Variants in LRCH1 observed in about 807,000 individuals in gnomAD.
The protein encoded by LRCH1 is leucine-rich repeat and calponin homology domain-containing protein 1.
Under a neutral mutation model 94.9 loss-of-function variants are expected in LRCH1, and 23 were observed. The observed-to-expected ratio is 0.24, with a 90% confidence interval of 0.17 to 0.34. The LOEUF (loss-of-function observed/expected upper bound fraction) is 0.34. Among genes scored for constraint, LRCH1 ranks in the 10% least tolerant of loss-of-function variants. The probability of loss-of-function intolerance (pLI) is 1.00; values close to 1 mark genes in which losing one functional copy is unlikely to be tolerated. For synonymous variants in LRCH1, 364 were observed against 354.9 expected, an observed-to-expected ratio of 1.03 and a Z score of -0.29; for missense variants, 790 against 945.9, an observed-to-expected ratio of 0.84 and a Z score of 2.16.
Position 46,640,041 on chromosome 13 carries a change from A to G in LRCH1, c.308-10160A>G, listed in dbSNP as rs534642687. Among the ~76,000 whole-genome samples, 688 of 152,348 alleles carry G rather than the reference A, an allele frequency of 4.5e-3. 3 individuals are homozygous for G. Among genetic ancestry groups the G allele is most frequent in the Non-Finnish European group, 7.4e-3 (506 of 68,022 alleles). On this transcript the variant is annotated intron_variant, in intron 1 of 19. Coordinates refer to ENST00000389797, the MANE Select transcript of LRCH1 (RefSeq NM_001164211.2). ...TTATAAGGTGCAACTGAACCAAGCC[A>G]TATAGTTGGCACTGTGATGAGTGAG... is the stretch of plus-strand genomic sequence containing the variant.
chr13:46,601,274 C>T (rs902895359), intron 1 of LRCH1, among the ~76,000 whole-genome samples: 3 of 152,200 alleles, frequency 2.0e-5, no homozygotes, highest in Non-Finnish European at 4.4e-5. Flanking sequence ...CTCTTCTCCT[C>T]CCTACAGAAA....
rs147045502 is a variant in LRCH1, at chr13:46,725,470, A to T, written c.1869+2140A>T. ...TACCAGGCTGTATTCTAGGTAATGG[A>T]TGTAGGAGAGAACAAAAAGGTCTCT... On this transcript the variant is annotated intron_variant, in intron 17 of 19. Coordinates refer to ENST00000389797, the MANE Select transcript of LRCH1 (RefSeq NM_001164211.2). Among the ~76,000 whole-genome samples, 13 of 152,306 alleles carry T rather than the reference A, an allele frequency of 8.5e-5. No individual in the cohort carries two copies. The East Asian group carries it at 2.5e-3, about 29-fold the overall frequency.
At chr13:46,732,346 C>CAACTGGTAT (rs1455617934) in intron 18 of LRCH1, among the ~76,000 whole-genome samples, 1 of 152,148 alleles carries the variant, frequency 6.6e-6, no homozygotes, top group East Asian at 1.9e-4. Flanking sequence ...ATTGGCATTT[C>CAACTGGTAT]AATTGGTATA....
chr13:46,583,354 A>G (rs890200368), intron 1 of LRCH1, among the ~76,000 whole-genome samples: 10 of 152,238 alleles, frequency 6.6e-5, no homozygotes, highest in African/African-American at 2.4e-4. Context: ...GGCTTATTGT[A>G]CCAAGATATC....
intron 13 of LRCH1, among the ~76,000 whole-genome samples, chr13:46,711,542 G>C (rs1872060975): frequency 6.6e-6 from 1 of 152,184 alleles, no homozygotes; most frequent in African/African-American, 2.4e-5. Context: ...TGAACTCCTT[G>C]CTCTGGGAAG....
intron 1 of LRCH1, among the ~76,000 whole-genome samples, chr13:46,628,679 A>C (rs1329516913): frequency 2.6e-5 from 4 of 151,298 alleles, no homozygotes; most frequent in Non-Finnish European, 2.9e-5. Flanking sequence ...AAAAAAAAAA[A>C]CACAAGGCCC....
At chr13:46,620,813 T>C (rs944194120) in intron 1 of LRCH1, among the ~76,000 whole-genome samples, 3 of 152,264 alleles carry the variant, frequency 2.0e-5, no homozygotes, top group Non-Finnish European at 4.4e-5. Context: ...ACAGAGACAT[T>C]GAGTAAATCA....
At chr13:46,608,259 CA>C (rs1331573187) in intron 1 of LRCH1, among the ~76,000 whole-genome samples, 3 of 152,138 alleles carry the variant, frequency 2.0e-5, no homozygotes, top group Non-Finnish European at 4.4e-5. Flanking sequence ...GTGCGACCTC[CA>C]GATGTGGTGT....
In LRCH1 at chr13:46,619,319, C is replaced by T. The variant is rs1341865545; in HGVS notation, c.308-30882C>T. 3.3e-5 allele frequency among the ~76,000 whole-genome samples: 5 copies of T among 152,064 alleles called. No homozygotes were observed. In the South Asian group the frequency reaches 1.0e-3, roughly 32 times the overall value. The stretch of plus-strand genomic sequence containing the variant: ...CGAGATGGGGTTTCGCCACATTGGC[C>T]AGGCTGGTCTCGGACTCTTGGCCTC... On this transcript the variant is annotated intron_variant, in intron 1 of 19. Coordinates refer to ENST00000389797, the MANE Select transcript of LRCH1 (RefSeq NM_001164211.2).
intron 3 of LRCH1, among the ~76,000 whole-genome samples, chr13:46,677,247 T>G (rs9590977): frequency 0.29 from 23,384 of 80,952 alleles, 1,958 homozygotes; most frequent in East Asian, 0.39. Context: ...TCGTCTCTAC[T>G]AAAAATACAA....
At chr13:46,719,930 G>A (rs1343327801) in intron 16 of LRCH1, among the ~76,000 whole-genome samples, 2 of 152,056 alleles carry the variant, frequency 1.3e-5, no homozygotes, top group African/African-American at 4.8e-5. Context: ...CCTGGGAGGC[G>A]GAGTTTGCAG....
intron 1 of LRCH1, among the ~76,000 whole-genome samples, chr13:46,598,923 C>T (rs565358371): frequency 1.3e-5 from 2 of 152,274 alleles, no homozygotes; most frequent in Admixed American, 6.5e-5. Flanking sequence ...TTCACATTGT[C>T]GCACAGTCTC....
downstream of LRCH1, among the ~76,000 whole-genome samples, chr13:46,749,509 AG>A (rs1234075401): frequency 6.6e-6 from 1 of 152,246 alleles, no homozygotes; most frequent in African/African-American, 2.4e-5. Context: ...CCAAAAAATA[AG>A]TATCTGAGAT....
intron 1 of LRCH1, among the ~76,000 whole-genome samples, chr13:46,640,853 A>G (rs2051148950): frequency 1.3e-5 from 2 of 152,248 alleles, no homozygotes; most frequent in South Asian, 2.1e-4. Flanking sequence ...GGAAGACCTC[A>G]TGGTTCATAT....
chr13:46,710,961 C>T (rs1383961888), intron 13 of LRCH1, among the ~76,000 whole-genome samples: 1 of 152,084 alleles, frequency 6.6e-6, no homozygotes, highest in Non-Finnish European at 1.5e-5. Flanking sequence ...CACTGTCCCT[C>T]AATTTCTTCA....
Position 46,635,662 on chromosome 13 carries a change from G to A in LRCH1, c.308-14539G>A, listed in dbSNP as rs143559378. On this transcript the variant is annotated intron_variant, in intron 1 of 19. Coordinates refer to ENST00000389797, the MANE Select transcript of LRCH1 (RefSeq NM_001164211.2). ...ATTGTTTTGTATTTTTAGTAGAGAC[G>A]GGGTTTCAGCATGTTAGCCAGGATG... is the stretch of plus-strand genomic sequence containing the variant. Among the ~76,000 whole-genome samples the A allele has an allele frequency of 6.9e-3, 1,043 of 151,746 alleles. 11 individuals carry two copies. The highest frequency in any genetic ancestry group is 0.022 in the African/African-American group (905 of 41,374).
chr13:46,680,285 A>T (rs1389739925), intron 3 of LRCH1: 1 of 152,202 alleles, frequency 6.6e-6, no homozygotes, highest in Non-Finnish European at 1.5e-5. Context: ...TCCAACATTT[A>T]TTGATCCCTT....
chr13:46,584,327 C>T (rs1282902915), intron 1 of LRCH1, among the ~76,000 whole-genome samples: 1 of 152,180 alleles, frequency 6.6e-6, no homozygotes, highest in Non-Finnish European at 1.5e-5. Flanking sequence ...ATGGTCCATG[C>T]ACCAGCAGCA....
At chr13:46,624,781 C>A (rs1348892481) in intron 1 of LRCH1, among the ~76,000 whole-genome samples, 1 of 152,220 alleles carries the variant, frequency 6.6e-6, no homozygotes, top group Non-Finnish European at 1.5e-5. Flanking sequence ...TTGAGAAAAT[C>A]TCTGTATTGT....
Sources: gnomAD v4.1 joint callset for allele counts (sites outside exome capture counted in the v4.1 genomes callset) on GRCh38, gnomAD v4.1.1 for gene constraint, MANE v1.5 for transcripts, NCBI Gene and HGNC (gene_info 2026-07-23, HGNC 2026-07-21) for gene names.